The following ZDHHC1 variants were observed in gnomAD, a reference collection of about 807,000 sequenced individuals.
ZDHHC1 encodes zDHHC palmitoyltransferase 1.
A neutral mutation model predicts 46.9 loss-of-function variants in ZDHHC1; 45 were observed. The ratio of observed to expected loss-of-function variants is 0.96; its 90% CI spans 0.76 to 1.23. The LOEUF is 1.23. Ranked by LOEUF, ZDHHC1 falls within the 50% of genes most tolerant of loss-of-function variation. The pLI is 0.00. For synonymous variants in ZDHHC1, 291 were observed against 286.0 expected (o/e 1.02, Z -0.18); for missense variants, 649 against 670.8 (o/e 0.97, Z 0.36).
chr16:67,415,680 C>G (rs886751376), intron 1 of ZDHHC1, among the ~76,000 whole-genome samples: 1 of 150,428 alleles, frequency 6.6e-6, no homozygotes, highest in Admixed American at 7.2e-5. Flanking sequence ...TGGCTTGAAC[C>G]CGGGAGGCGG....
rs2040550671 is a variant in ZDHHC1 at position 67,401,374 on chromosome 16, C to T, written c.253-242G>A. On this transcript the variant is annotated intron_variant, in intron 3 of 11. Coordinates refer to ENST00000565726, the MANE Select transcript of ZDHHC1 (RefSeq NM_001323627.2). The surrounding 1 kb of genome is among the most constrained non-coding windows in gnomAD (Gnocchi z 4.6). The stretch of plus-strand genomic sequence containing the variant: ...GGAGTCCACAGCCAGCCAGCAGTGC[C>T]TGCTGTCGCCACCTAGGTGCCCAAT... 6.6e-6 allele frequency among the ~76,000 whole-genome samples: 1 copy of T among 152,252 alleles called. No individual in the cohort carries two copies. The highest frequency in any genetic ancestry group is 1.5e-5 in the Non-Finnish European group (1 of 68,048).
chr16:67,412,823 G>A (rs1029980449), intron 1 of ZDHHC1, among the ~76,000 whole-genome samples: 6 of 151,608 alleles, frequency 4.0e-5, no homozygotes, highest in South Asian at 2.1e-4. Context: ...TTTTTAAGAC[G>A]GAGTTTCACT....
chr16:67,407,409 CTCCTT>C (rs1234204990), intron 2 of ZDHHC1, among the ~76,000 whole-genome samples: 1 of 152,244 alleles, frequency 6.6e-6, no homozygotes, highest in African/African-American at 2.4e-5. Context: ...TAGCTGAACT[CTCCTT>C]TCAGGAGCCC....
In ZDHHC1 at chr16:67,414,496, G is replaced by A. The variant is rs918389805; in HGVS notation, c.-39+1675C>T. Among the ~76,000 whole-genome samples, 6 of 152,198 alleles carry A rather than the reference G, an allele frequency of 3.9e-5. No homozygotes were observed. In the East Asian group the frequency reaches 7.7e-4, roughly 20 times the overall value. On this transcript the variant is annotated intron_variant, in intron 1 of 11. Transcript: ENST00000565726. ...TACCCCAATCCAAACCTCCAGCATCGCTCTCCTACAGTGTTTGCATGATAA... is the reference window on the plus strand; with the variant it reads ...TACCCCAATCCAAACCTCCAGCATCACTCTCCTACAGTGTTTGCATGATAA...
chr16:67,412,962 G>A (rs1440878638), intron 1 of ZDHHC1, among the ~76,000 whole-genome samples: 10 of 151,760 alleles, frequency 6.6e-5, no homozygotes, highest in African/African-American at 1.9e-4. Context: ...CGCCACGCCC[G>A]GCTACTTTTT....
At chr16:67,395,663 G>T in intron 8 of ZDHHC1, 97 bp from the exon 9 acceptor site, 1 of 1,216,112 alleles carries the variant, frequency 8.2e-7, no homozygotes, top group Non-Finnish European at 1.2e-6. Flanking sequence ...ATTGGCCTCT[G>T]TGGGATATCT....
At chr16:67,408,424 C>A (rs1413086924) in intron 1 of ZDHHC1, among the ~76,000 whole-genome samples, 6 of 151,422 alleles carry the variant, frequency 4.0e-5, no homozygotes, top group Admixed American at 4.0e-4. Context: ...ATCCGCCAGC[C>A]TTGGCCTCCC....
Position 67,399,411 on chromosome 16 carries a change from G to T in ZDHHC1, c.474C>A (p.Cys158Ter). 1 of 1,613,308 alleles carries T rather than the reference G, an allele frequency of 6.2e-7. No individual in the cohort carries two copies. The highest frequency in any genetic ancestry group is 8.5e-7 in the Non-Finnish European group (1 of 1,179,818). ...GCCACTTGCAGTGGTGGTCGAAACC[G>T]CACACGCACTTGTTGCAGGCGCTGC... Reference protein sequence around the residue: ...KHCSACNKCVCGFDHHCKWLN... With the variant: ...KHCSACNKCV Residue 158 changes from cysteine (C) to a stop codon, truncating the protein, a stop_gained, in exon 5 of 12, where the codon TGC (cysteine) becomes TGA (stop). Transcript: ENST00000565726. LOFTEE classifies it high-confidence loss of function.
At chr16:67,415,096 T>C (rs969537210) in intron 1 of ZDHHC1, among the ~76,000 whole-genome samples, 1 of 151,924 alleles carries the variant, frequency 6.6e-6, no homozygotes, top group Non-Finnish European at 1.5e-5. Context: ...GATTGTGCCA[T>C]TGCAGTCCAG....
At position 67,394,651 on chromosome 16, in the gene ZDHHC1, C is replaced by A; in HGVS notation, c.1408G>T (p.Glu470Ter). Reference protein sequence around the residue: ...PAVFVSPSSGEPRAPGGREAG... With the variant: ...PAVFVSPSSG ...TCCCGGCCGCCCGGCGCCCTGGGCT[C>A]GCCGCTGCTCGGGCTCACGAAAACG... The change falls in exon 12 of 12, where the codon GAG becomes TAG. Residue 470 changes from glutamate to a stop codon, truncating the protein, a stop_gained. Transcript: ENST00000565726. LOFTEE classifies it low-confidence loss of function (END_TRUNC). The A allele has an allele frequency of 8.2e-7, 1 of 1,221,066 alleles. No homozygotes were observed. Among genetic ancestry groups the A allele is most frequent in the Non-Finnish European group, 1.0e-6 (1 of 982,088 alleles). The allele number at this position is 1,221,066 out of a possible 1,614,324, so 75.6% of individuals were successfully genotyped here. A position where few individuals can be genotyped will look rare whatever the true frequency, so the allele number is the denominator to read the frequency against.
rs1182558104 is a variant in ZDHHC1, at chr16:67,401,011, C to T, written c.374G>A (p.Ser125Asn). The change falls in exon 4 of 12, where the codon AGC (serine) becomes AAC (asparagine). Residue 125 changes from serine (S) to asparagine (N), a missense_variant. Ser to Asn is a conservative substitution (Grantham distance 46). Transcript: ENST00000565726. This position sits in a 1 kb window ranked among gnomAD's most constrained non-coding sequence, Gnocchi z 4.6. ...YAGPLPIFNR[S>N]QHAHVIEDLH... ...GTCTTCAATGACATGTGCGTGCTGG[C>T]TTCGGTTGAAGATGGGCAGGGGCCC... The T allele has an allele frequency of 1.9e-6, 3 of 1,614,156 alleles. No individual in the cohort carries two copies. Among genetic ancestry groups the T allele is most frequent in the Admixed American group, 3.3e-5 (2 of 60,026 alleles).
chr16:67,416,140 C>G (rs1032602193), intron 1 of ZDHHC1, 31 bp downstream of exon 1: 1 of 152,330 alleles, frequency 6.6e-6, no homozygotes, highest in Non-Finnish European at 1.5e-5. Flanking sequence ...AGCCAGGCTC[C>G]GAGGTGAGAA....
At chr16:67,395,703 T>G in intron 8 of ZDHHC1, 137 bp from the exon 9 acceptor site, 1 of 848,386 alleles carries the variant, frequency 1.2e-6, no homozygotes, top group Non-Finnish European at 1.8e-6. Flanking sequence ...CCAGCCATGC[T>G]GGGAAAACCC....
At chr16:67,410,644 A>T (rs1467551962) in intron 1 of ZDHHC1, among the ~76,000 whole-genome samples, 3 of 147,676 alleles carry the variant, frequency 2.0e-5, no homozygotes, top group Non-Finnish European at 3.0e-5. Context: ...TACCTTAATT[A>T]ATTATTATTA....
Position 67,401,483 on chromosome 16 carries a change from A to G in ZDHHC1, c.253-351T>C, listed in dbSNP as rs1341028177. The stretch of plus-strand genomic sequence containing the variant: ...AGGCTGGTTTCTGGTTTCAGATTCC[A>G]AATGGTGATGTGAGACTGAAAGAGA... On this transcript the variant is annotated intron_variant, in intron 3 of 11. Coordinates refer to ENST00000565726, the MANE Select transcript of ZDHHC1 (RefSeq NM_001323627.2). The surrounding 1 kb of genome is among the most constrained non-coding windows in gnomAD (Gnocchi z 4.6). 6.6e-6 allele frequency among the ~76,000 whole-genome samples: 1 copy of G among 152,188 alleles called. No homozygotes were observed. Among genetic ancestry groups the G allele is most frequent in the African/African-American group, 2.4e-5 (1 of 41,434 alleles).
chr16:67,396,604 TG>T (rs1429491237), intron 8 of ZDHHC1, among the ~76,000 whole-genome samples: 1 of 151,760 alleles, frequency 6.6e-6, no homozygotes, highest in Non-Finnish European at 1.5e-5. Context: ...CTGACAGATC[TG>T]GGGGAGGAGC....
intron 8 of ZDHHC1, chr16:67,396,065 C>A (rs1409529031): frequency 6.4e-6 from 1 of 157,122 alleles, no homozygotes; most frequent in East Asian, 1.9e-4. Flanking sequence ...CGTAAATGCA[C>A]ATGCGGTGGT....
Position 67,394,802 on chromosome 16 carries a change from G to GAT in ZDHHC1, c.1256_1257insAT (p.His419GlnfsTer47). On this transcript the variant is annotated frameshift_variant, in exon 12 of 12. Coordinates refer to ENST00000565726, the MANE Select transcript of ZDHHC1 (RefSeq NM_001323627.2). LOFTEE classifies it low-confidence loss of function (END_TRUNC). The stretch of plus-strand genomic sequence containing the variant: ...CGTCCACGGACTCTGCCGACGCCGA[G>GAT]TGGTAGGCGCCGGCAGGGCCAGCGG... 3 of 1,531,432 alleles carry GAT rather than the reference G, an allele frequency of 2.0e-6. No individual in the cohort carries two copies. Among genetic ancestry groups the GAT allele is most frequent in the South Asian group, 2.4e-5 (2 of 82,890 alleles). 94.9% of individuals were successfully genotyped at this position (1,531,432 alleles called of 1,614,324 possible).
intron 8 of ZDHHC1, 38 bp from the exon 9 acceptor site, chr16:67,395,604 G>T (rs1252067476): frequency 3.2e-6 from 5 of 1,543,630 alleles, no homozygotes; most frequent in Admixed American, 2.0e-5. Context: ...GGGAGGCCAG[G>T]TGTGGCTCCC....
Sources: allele counts gnomAD v4.1 joint callset (sites outside exome capture counted in the v4.1 genomes callset), GRCh38; gene constraint gnomAD v4.1.1; non-coding constraint Gnocchi (gnomAD v3.1); transcripts MANE v1.5; gene names NCBI Gene and HGNC (gene_info 2026-07-23, HGNC 2026-07-21).